DTNB: variants seen among roughly 807,000 people sequenced by gnomAD.
The protein encoded by DTNB is dystrobrevin beta, also known as DTN-B.
DTNB carries 63 observed loss-of-function variants against 90.7 expected under a neutral mutation model. The ratio of observed to expected loss-of-function variants is 0.69; its 90% CI spans 0.57 to 0.86. The LOEUF is 0.86. Among genes scored for constraint, DTNB ranks in the 40% least tolerant of loss-of-function variants. The probability of loss-of-function intolerance (pLI) is 0.00; values close to 1 mark genes in which losing one functional copy is unlikely to be tolerated. For missense variants in DTNB, 744 were observed against 807.1 expected (o/e 0.92, Z 0.95); for synonymous variants, 277 against 286.7 (o/e 0.97, Z 0.34).
At chr2:25,658,372 T>C (rs985328295) in intron 1 of DTNB, among the ~76,000 whole-genome samples, 40 of 152,218 alleles carry the variant, frequency 2.6e-4, no homozygotes, top group African/African-American at 9.6e-4. Context: ...GGCAGTTTCT[T>C]ATAAAGCTAA....
chr2:25,664,071 C>T (rs778704653), intron 1 of DTNB, among the ~76,000 whole-genome samples: 1 of 152,114 alleles, frequency 6.6e-6, no homozygotes, highest in Non-Finnish European at 1.5e-5. Flanking sequence ...ATAAGATTAG[C>T]CCATAATATC....
intron 8 of DTNB, among the ~76,000 whole-genome samples, chr2:25,575,267 A>T (rs1257768033): frequency 6.6e-6 from 1 of 152,056 alleles, no homozygotes; most frequent in Non-Finnish European, 1.5e-5. Context: ...CAGTGGAAAA[A>T]ACATTAACAA....
chr2:25,627,269 G>A (rs1321387324), intron 4 of DTNB, among the ~76,000 whole-genome samples: 1 of 152,026 alleles, frequency 6.6e-6, no homozygotes, highest in East Asian at 1.9e-4. Context: ...AAAATTAGCT[G>A]GGCGTGGTGG....
At chr2:25,651,147 T>C (rs1231849290) in intron 2 of DTNB, among the ~76,000 whole-genome samples, 1 of 152,196 alleles carries the variant, frequency 6.6e-6, no homozygotes, top group Non-Finnish European at 1.5e-5. Flanking sequence ...ATATTAAGTA[T>C]GTACTACTTA....
At chr2:25,470,196 A>C (rs1042208626) in intron 10 of DTNB, among the ~76,000 whole-genome samples, 2 of 152,134 alleles carry the variant, frequency 1.3e-5, no homozygotes, top group Non-Finnish European at 1.5e-5. Context: ...TCATGATGGG[A>C]GAAATCTGTA....
chr2:25,564,992 C>T (rs1389584900), intron 8 of DTNB, among the ~76,000 whole-genome samples: 4 of 152,036 alleles, frequency 2.6e-5, no homozygotes, highest in Non-Finnish European at 4.4e-5. Context: ...AATTTATTAT[C>T]TATAATGGTT....
chr2:25,666,508 C>T (rs565502227), intron 1 of DTNB, among the ~76,000 whole-genome samples: 7 of 152,240 alleles, frequency 4.6e-5, no homozygotes, highest in African/African-American at 1.7e-4. Context: ...AAGGCCTAGG[C>T]AATGCCATAA....
chr2:25,389,231 A>T (rs2149548509), intron 16 of DTNB, among the ~76,000 whole-genome samples: 1 of 152,350 alleles, frequency 6.6e-6, no homozygotes, highest in South Asian at 2.1e-4. Flanking sequence ...TGCCAGTGGG[A>T]GGCATGGGAA....
intron 12 of DTNB, among the ~76,000 whole-genome samples, chr2:25,446,755 G>A (rs955935283): frequency 5.9e-5 from 9 of 152,092 alleles, no homozygotes; most frequent in Admixed American, 3.3e-4. Context: ...GACTCATTGC[G>A]ATATATTCAT....
intron 4 of DTNB, among the ~76,000 whole-genome samples, chr2:25,614,269 A>G (rs2148585947): frequency 6.6e-6 from 1 of 152,310 alleles, no homozygotes; most frequent in East Asian, 1.9e-4. Context: ...AAGATTAAGA[A>G]CAAATCAAGA....
intron 2 of DTNB, among the ~76,000 whole-genome samples, chr2:25,647,760 G>T (rs1473499128): frequency 6.6e-6 from 1 of 151,174 alleles, no homozygotes; most frequent in African/African-American, 2.4e-5. Flanking sequence ...ATATTTTTAA[G>T]TAATTAATAA....
At chr2:25,481,367 T>C (rs2064913271) in intron 10 of DTNB, among the ~76,000 whole-genome samples, 1 of 150,450 alleles carries the variant, frequency 6.6e-6, no homozygotes, top group Admixed American at 6.6e-5. Context: ...ATTGGGCCAC[T>C]GCACTCCAGC....
intron 10 of DTNB, among the ~76,000 whole-genome samples, chr2:25,458,500 G>C (rs564864611): frequency 6.6e-6 from 1 of 151,712 alleles, no homozygotes; most frequent in African/African-American, 2.4e-5. Flanking sequence ...GCAGGGTCTT[G>C]CTCTGTCACC....
chr2:25,576,785 A>C lies in DTNB; in HGVS notation c.876+53T>G, dbSNP rs540224328. On this transcript the variant is annotated intron_variant, in intron 8 of 20. Coordinates refer to ENST00000406818, the MANE Select transcript of DTNB (RefSeq NM_021907.5). The stretch of plus-strand genomic sequence containing the variant: ...TGAGGAAACTGGCCCAGGTGCTGTT[A>C]CTGATCAAACAGATTAACACTCAGG... 1.6e-4 allele frequency: 246 copies of C among 1,525,126 alleles called. No homozygotes were observed. The African/African-American group carries it at 3.0e-3, about 19-fold the overall frequency. 94.5% of individuals were successfully genotyped at this position (1,525,126 alleles called of 1,614,324 possible). A position where few individuals can be genotyped will look rare whatever the true frequency, so the allele number is the denominator to read the frequency against.
chr2:25,395,559 AATAT>A (rs1421297400), intron 16 of DTNB, among the ~76,000 whole-genome samples: 2 of 149,198 alleles, frequency 1.3e-5, no homozygotes, highest in Admixed American at 1.3e-4. Context: ...TATAAATATA[AATAT>A]ATATTTATGT....
intron 9 of DTNB, among the ~76,000 whole-genome samples, chr2:25,483,077 G>T (rs1325016569): frequency 6.6e-6 from 1 of 151,846 alleles, no homozygotes; most frequent in Non-Finnish European, 1.5e-5. Flanking sequence ...CTTGGGGAGG[G>T]GGGTAGAAAT....
At chr2:25,590,989 C>T (rs1410177409) in intron 6 of DTNB, among the ~76,000 whole-genome samples, 2 of 152,254 alleles carry the variant, frequency 1.3e-5, no homozygotes, top group African/African-American at 4.8e-5. Context: ...CTCATCAGTG[C>T]CCAAAGTCCG....
intron 1 of DTNB, among the ~76,000 whole-genome samples, chr2:25,665,242 C>G (rs552567851): frequency 7.8e-4 from 119 of 152,300 alleles, no homozygotes; most frequent in Non-Finnish European, 1.0e-4. Flanking sequence ...TCAGCTACGT[C>G]AAAGCATCCA....
At chr2:25,666,579 A>G (rs1314736984) in intron 1 of DTNB, among the ~76,000 whole-genome samples, 1 of 152,232 alleles carries the variant, frequency 6.6e-6, no homozygotes. Flanking sequence ...ATCTTCTAGA[A>G]AGTGGCCAGT....
Sources: gnomAD v4.1 joint callset for allele counts (sites outside exome capture counted in the v4.1 genomes callset) on GRCh38, gnomAD v4.1.1 for gene constraint, MANE v1.5 for transcripts, NCBI Gene and HGNC (gene_info 2026-07-23, HGNC 2026-07-21) for gene names.